ZNF44: variants seen among roughly 807,000 people sequenced by gnomAD.
ZNF44 encodes zinc finger protein 44, also known as gonadotropin inducible transcription repressor-2.
Under a neutral mutation model 11.7 loss-of-function variants are expected in ZNF44, and 9 were observed. The observed-to-expected ratio is 0.77, with a 90% CI of 0.46 to 1.35. The LOEUF (loss-of-function observed/expected upper bound fraction) is 1.35, where lower values mean the gene tolerates loss of function less well. Ranked by LOEUF, ZNF44 falls within the 40% of genes most tolerant of loss-of-function variation. ZNF44 has a pLI of 0.00. For missense variants in ZNF44, 696 were observed against 743.1 expected, an observed-to-expected ratio of 0.94 and a Z score of 0.74; for synonymous variants, 224 against 242.7, an observed-to-expected ratio of 0.92 and a Z score of 0.72.
At chr19:12,268,388 AAC>A (rs1917821157), downstream of ZNF44, among the ~76,000 whole-genome samples, 1 of 152,174 alleles carries the variant, frequency 6.6e-6, no homozygotes, top group African/African-American at 2.4e-5. Context: ...GTAGAAAATC[AAC>A]AGACCATAAA....
intron 2 of ZNF44, among the ~76,000 whole-genome samples, chr19:12,234,018 C>T (rs375017617): frequency 0.014 from 2,084 of 150,562 alleles, 30 homozygotes; most frequent in Middle Eastern, 0.045. Context: ...GCTGAGATCG[C>T]GCTGCTGCAC....
At chr19:12,263,157 G>A (rs551344812) in intron 5 of ZNF44, among the ~76,000 whole-genome samples, 4 of 150,406 alleles carry the variant, frequency 2.7e-5, no homozygotes, top group East Asian at 2.0e-4. Flanking sequence ...GCAATCTCCC[G>A]CTCACCGCAA....
chr19:12,248,421 A>G, exon 8 of ZNF44: 1 of 1,290,994 alleles, frequency 7.7e-7, no homozygotes, highest in South Asian at 1.2e-5. Flanking sequence ...CAGATAACTG[A>G]AGGGTTTCCC....
chr19:12,244,656 A>G (rs1195364419), downstream of ZNF44: 2 of 152,684 alleles, frequency 1.3e-5, no homozygotes, highest in Non-Finnish European at 2.9e-5. Context: ...GAAATTCTGT[A>G]ACCATGTCTC....
intron 1 of ZNF44, among the ~76,000 whole-genome samples, chr19:12,289,853 G>C (rs111378521): frequency 2.6e-5 from 4 of 151,904 alleles, no homozygotes; most frequent in African/African-American, 9.6e-5. Flanking sequence ...GGATGGTCAC[G>C]ATCTCCGGAC....
In ZNF44 at chr19:12,272,917, C is replaced by T; in HGVS notation, c.1338G>A (p.Glu446=). ...TTCCACATTTACATTTATAGGGTTGCTCTCCAGTGTGTGTTGTTTCATGTT... is the reference window on the plus strand; with the variant it reads ...TTCCACATTTACATTTATAGGGTTGTTCTCCAGTGTGTGTTGTTTCATGTT... ...LRKHETTHTG[E]QPYKCKCGKA... Residue 446 remains glutamate (E), a synonymous_variant, in exon 4 of 4, where the codon GAG becomes GAA. Coordinates refer to ENST00000355684, the MANE Select transcript of ZNF44 (RefSeq NM_016264.4). 2 of 1,614,046 alleles carry T rather than the reference C, an allele frequency of 1.2e-6. No homozygotes were observed. Among genetic ancestry groups the T allele is most frequent in the Non-Finnish European group, 1.7e-6 (2 of 1,180,014 alleles).
chr19:12,260,193 G>T, intron 5 of ZNF44: 2 of 771,558 alleles, frequency 2.6e-6, no homozygotes, highest in South Asian at 1.4e-5. Flanking sequence ...GGACTATGCC[G>T]ACCTACAGCA....
chr19:12,244,958 T>C (rs1392571651), downstream of ZNF44, among the ~76,000 whole-genome samples: 1 of 152,208 alleles, frequency 6.6e-6, no homozygotes, highest in Non-Finnish European at 1.5e-5. Context: ...TTTGTGTTCA[T>C]CCTTATTACA....
intron 2 of ZNF44, among the ~76,000 whole-genome samples, chr19:12,232,439 T>A (rs1402155876): frequency 6.6e-6 from 1 of 152,146 alleles, no homozygotes; most frequent in Non-Finnish European, 1.5e-5. Context: ...GACTATCACA[T>A]GGGGAGAAAC....
rs1599528561 is a variant in ZNF44 at position 12,273,932 on chromosome 19, T to C, written c.323A>G (p.Asn108Ser). 6 of 1,614,068 alleles carry C rather than the reference T, an allele frequency of 3.7e-6. No homozygotes were observed. Among genetic ancestry groups the C allele is most frequent in the Admixed American group, 1.7e-5 (1 of 59,994 alleles). ...TGAATGACCCATTATGACTTCTCCA[T>C]TCACACTGCTTCCACATGCATCTAC... ...ARVDACGSSVNGEVIMGHSSL... is the reference protein window; with the variant it reads ...ARVDACGSSVSGEVIMGHSSL... Residue 108 changes from asparagine (N) to serine (S), a missense_variant, in exon 4 of 4, where the codon AAT (asparagine) becomes AGT (serine). Asn to Ser is a conservative substitution (Grantham distance 46). Coordinates refer to ENST00000355684, the MANE Select transcript of ZNF44 (RefSeq NM_016264.4).
At chr19:12,250,853 T>G in intron 5 of ZNF44, 2 of 456,144 alleles carry the variant, frequency 4.4e-6, no homozygotes, top group South Asian at 3.1e-5. Flanking sequence ...TGTAACAATA[T>G]TTACCTGACC....
At chr19:12,237,760 C>T (rs1431072837), upstream of ZNF44, 2 of 152,222 alleles carry the variant, frequency 1.3e-5, no homozygotes, top group Non-Finnish European at 2.9e-5. Flanking sequence ...CAGGTTCTAG[C>T]AACAGCCCTC....
chr19:12,252,264 T>A (rs1917039777), intron 5 of ZNF44, among the ~76,000 whole-genome samples: 2 of 152,150 alleles, frequency 1.3e-5, no homozygotes, highest in Admixed American at 6.6e-5. Context: ...GAACTTCTTT[T>A]CAGAAACCAT....
chr19:12,258,305 G>A (rs1005982605), intron 5 of ZNF44, among the ~76,000 whole-genome samples: 1 of 133,586 alleles, frequency 7.5e-6, no homozygotes. Context: ...GGATTCCAGC[G>A]TGGGCAACAG....
intron 7 of ZNF44, chr19:12,249,969 G>T: frequency 1.6e-6 from 2 of 1,279,632 alleles, no homozygotes; most frequent in Non-Finnish European, 2.0e-6. Flanking sequence ...TTTTCTGAGT[G>T]TGACTCACCT....
chr19:12,231,681 G>C (rs765992729), intron 2 of ZNF44, among the ~76,000 whole-genome samples: 14 of 151,920 alleles, frequency 9.2e-5, no homozygotes, highest in Admixed American at 4.6e-4. Context: ...GACAAAACCA[G>C]GAAAAAAACA....
chr19:12,235,859 G>A (rs1270982796), intron 1 of ZNF44, among the ~76,000 whole-genome samples: 2 of 152,124 alleles, frequency 1.3e-5, no homozygotes, highest in Non-Finnish European at 2.9e-5. Flanking sequence ...CAGGAACAGG[G>A]ACAGATCACC....
At chr19:12,263,486 C>A (rs1362622733) in intron 5 of ZNF44, among the ~76,000 whole-genome samples, 3 of 152,014 alleles carry the variant, frequency 2.0e-5, no homozygotes, top group Admixed American at 6.6e-5. Flanking sequence ...ACTGGGGATG[C>A]AAAACAGAAG....
At position 12,272,462 on chromosome 19, in the gene ZNF44, C is replaced by G. The variant is rs1444355633; in HGVS notation, c.1793G>C (p.Ser598Thr). 6.3e-7 allele frequency: 1 copy of G among 1,595,516 alleles called. No individual in the cohort carries two copies. The highest frequency in any genetic ancestry group is 8.5e-7 in the Non-Finnish European group (1 of 1,173,512). The change falls in exon 4 of 4, where the codon AGT becomes ACT. Residue 598 changes from serine to threonine, a missense_variant. By Grantham distance (58) the Ser-to-Thr change is moderately conservative (BLOSUM62 1). Transcript: ENST00000355684. ...ATGTCTATTAAAGGAACTGAGAGAACTGAAGGCTTTCCCACATTCCTTACA... is the reference window on the plus strand; with the variant it reads ...ATGTCTATTAAAGGAACTGAGAGAAGTGAAGGCTTTCCCACATTCCTTACA... The part of the protein sequence containing the change: ...YECKECGKAF[S>T]SLSSFNRHKR...
Sources: allele counts gnomAD v4.1 joint callset (sites outside exome capture counted in the v4.1 genomes callset), GRCh38; gene constraint gnomAD v4.1.1; transcripts MANE v1.5; gene names NCBI Gene and HGNC (gene_info 2026-07-23, HGNC 2026-07-21).